Variants in PAPOLA observed in about 807,000 individuals in gnomAD.
The protein encoded by PAPOLA is poly(A) polymerase alpha.
Under a neutral mutation model 100.6 loss-of-function variants are expected in PAPOLA, and 15 were observed. The observed-to-expected ratio is 0.15, with a 90% CI of 0.10 to 0.23. The LOEUF (loss-of-function observed/expected upper bound fraction) is 0.23. PAPOLA is among the 10% of genes least tolerant of loss of function. The probability of loss-of-function intolerance (pLI) is 1.00; values close to 1 mark genes in which losing one functional copy is unlikely to be tolerated. For missense variants in PAPOLA, 533 were observed against 884.2 expected (o/e 0.60, Z 5.04); for synonymous variants, 293 against 300.0 (o/e 0.98, Z 0.24).
chr14:96,529,473 AG>A (rs1898795782), intron 6 of PAPOLA, among the ~76,000 whole-genome samples: 1 of 151,886 alleles, frequency 6.6e-6, no homozygotes, highest in South Asian at 2.1e-4. Context: ...CTGTAATCCC[AG>A]CACTTTGGGA....
intron 6 of PAPOLA, among the ~76,000 whole-genome samples, chr14:96,529,121 A>C (rs996905770): frequency 6.6e-6 from 1 of 152,200 alleles, no homozygotes; most frequent in Non-Finnish European, 1.5e-5. Context: ...ATTAAAAAAT[A>C]ATATTTTAGG....
intron 10 of PAPOLA, 60 bp from the exon 11 acceptor site, chr14:96,535,819 A>G: frequency 7.3e-7 from 1 of 1,369,122 alleles, no homozygotes; most frequent in Admixed American, 2.7e-5. Flanking sequence ...AAGGGGTAAA[A>G]AGCCCAAGTA....
At chr14:96,531,702 T>G in intron 7 of PAPOLA, 116 bp downstream of exon 7, 1 of 1,518,204 alleles carries the variant, frequency 6.6e-7, no homozygotes, top group Non-Finnish European at 8.8e-7. Context: ...AGTAGTGAGT[T>G]AAATAAAATG....
At chr14:96,556,086 A>G (rs1320660706) in intron 18 of PAPOLA, 89 bp from the exon 19 acceptor site, 2 of 1,246,546 alleles carry the variant, frequency 1.6e-6, no homozygotes, top group South Asian at 2.5e-5. Context: ...AAAGTTATTC[A>G]TGAAATCAAA....
At chr14:96,542,743 T>C (rs749404862) in intron 13 of PAPOLA, 31 bp from the exon 14 acceptor site, 2 of 1,571,560 alleles carry the variant, frequency 1.3e-6, no homozygotes, top group Non-Finnish European at 1.7e-6. Context: ...TAACCAAAAC[T>C]TTTTGTTAAT....
At chr14:96,555,092 G>T (rs1400839756) in intron 17 of PAPOLA, among the ~76,000 whole-genome samples, 1 of 151,840 alleles carries the variant, frequency 6.6e-6, no homozygotes, top group Non-Finnish European at 1.5e-5. Flanking sequence ...TAATCCCCTT[G>T]TCACTTAAAG....
At chr14:96,548,010 A>G in intron 16 of PAPOLA, 92 bp downstream of exon 16, 2 of 1,113,446 alleles carry the variant, frequency 1.8e-6, no homozygotes, top group South Asian at 3.2e-5. Context: ...TCAGTTAATA[A>G]GTCATTTTAA....
intron 6 of PAPOLA, among the ~76,000 whole-genome samples, chr14:96,529,794 G>A (rs1037529467): frequency 3.9e-5 from 6 of 152,026 alleles, no homozygotes; most frequent in Non-Finnish European, 5.9e-5. Context: ...CCACATTTTT[G>A]GAACCATGAA....
intron 16 of PAPOLA, among the ~76,000 whole-genome samples, chr14:96,549,362 C>T (rs1042957597): frequency 1.3e-5 from 2 of 151,840 alleles, no homozygotes; most frequent in Non-Finnish European, 2.9e-5. Context: ...CATTCTCCTG[C>T]CTCAGCCTCA....
At position 96,567,103 on chromosome 14, in the gene PAPOLA, AC is replaced by A. The variant is rs557689558; in HGVS notation, c.*2054del. 585 of 152,630 alleles carry A rather than the reference AC, an allele frequency of 3.8e-3. 5 individuals are homozygous for A. The highest frequency in any genetic ancestry group is 0.014 in the African/African-American group (567 of 41,518). 9.5% of individuals were successfully genotyped at this position (152,630 alleles called of 1,614,324 possible). ...CCATTGAAAACACAATAAAAAAAAAACAGCACAATCTCACAGTTGCCTGATT... is the reference window on the plus strand; with the variant it reads ...CCATTGAAAACACAATAAAAAAAAAAAGCACAATCTCACAGTTGCCTGATT... On this transcript the variant is annotated 3_prime_UTR_variant, in exon 22 of 22. Transcript: ENST00000216277.
At chr14:96,515,357 A>T (rs1039518890) in intron 1 of PAPOLA, among the ~76,000 whole-genome samples, 1 of 152,142 alleles carries the variant, frequency 6.6e-6, no homozygotes, top group Non-Finnish European at 1.5e-5. Context: ...GAGAGGGGGC[A>T]GAATTCATAT....
chr14:96,532,920 C>A, intron 9 of PAPOLA: 1 of 1,120,450 alleles, frequency 8.9e-7, no homozygotes, highest in Non-Finnish European at 1.1e-6. Flanking sequence ...AGCTAAGATC[C>A]AATTTATTGA....
In PAPOLA at chr14:96,519,407, C is replaced by T. The variant is rs1472701646; in HGVS notation, c.9-648C>T. Among the ~76,000 whole-genome samples the T allele has an allele frequency of 2.6e-5, 4 of 152,088 alleles. No homozygotes were observed. In the East Asian group the frequency reaches 7.7e-4, roughly 29 times the overall value. Reference sequence around the variant, plus strand: ...AAAAAGATTGAGTCAGATTTATTTCCTAAGCATTTAAAGCATGCTATGCCT... The same window carrying T: ...AAAAAGATTGAGTCAGATTTATTTCTTAAGCATTTAAAGCATGCTATGCCT... On this transcript the variant is annotated intron_variant, in intron 1 of 21. Coordinates refer to ENST00000216277, the MANE Select transcript of PAPOLA (RefSeq NM_032632.5).
At chr14:96,531,712 G>C (rs1301653069) in intron 7 of PAPOLA, 126 bp downstream of exon 7, 1 of 1,512,366 alleles carries the variant, frequency 6.6e-7, no homozygotes, top group Admixed American at 2.2e-5. Flanking sequence ...TAAATAAAAT[G>C]AACTTTGCCT....
In PAPOLA at chr14:96,537,913, C is replaced by T. The variant is rs368794557; in HGVS notation, c.1115+853C>T. ...AAGAATGATGACCTTCATGATGTCT[C>T]TGTGTTTTGTTTCTGTATCTTTTGC... On this transcript the variant is annotated intron_variant, in intron 12 of 21. Coordinates refer to ENST00000216277, the MANE Select transcript of PAPOLA (RefSeq NM_032632.5). 19 of 152,060 alleles carry T rather than the reference C, an allele frequency of 1.2e-4. No individual in the cohort carries two copies. The East Asian group carries it at 3.5e-3, about 28-fold the overall frequency. 9.4% of individuals were successfully genotyped at this position (152,060 alleles called of 1,614,324 possible). A position where few individuals can be genotyped will look rare whatever the true frequency, so the allele number is the denominator to read the frequency against.
intron 1 of PAPOLA, chr14:96,502,980 G>T: frequency 4.2e-6 from 1 of 236,820 alleles, no homozygotes; most frequent in Non-Finnish European, 8.2e-6. Context: ...CCTGCTGCAC[G>T]CGGGATCAGC....
chr14:96,556,713 T>C (rs973369818), intron 19 of PAPOLA, among the ~76,000 whole-genome samples: 1 of 152,222 alleles, frequency 6.6e-6, no homozygotes, highest in Admixed American at 6.5e-5. Flanking sequence ...TCTTAACTTA[T>C]TATTCTCTAA....
intron 10 of PAPOLA, chr14:96,534,811 T>C: frequency 7.9e-7 from 1 of 1,260,328 alleles, no homozygotes; most frequent in African/African-American, 1.5e-5. Flanking sequence ...AACATTTTAA[T>C]TTATTCTATA....
intron 18 of PAPOLA, 95 bp downstream of exon 18, chr14:96,556,042 C>A: frequency 1.7e-6 from 2 of 1,166,542 alleles, no homozygotes; most frequent in Non-Finnish European, 2.5e-6. Flanking sequence ...AGTTGAAATT[C>A]AGTTTTTTAA....
Sources: gnomAD v4.1 joint callset for allele counts (sites outside exome capture counted in the v4.1 genomes callset) on GRCh38, gnomAD v4.1.1 for gene constraint, MANE v1.5 for transcripts, NCBI Gene and HGNC (gene_info 2026-07-23, HGNC 2026-07-21) for gene names.